SLX4IP: variants seen among roughly 807,000 people sequenced by gnomAD.
SLX4IP encodes protein SLX4IP.
A neutral mutation model predicts 32.9 loss-of-function variants in SLX4IP; 34 were observed. That is an observed-to-expected ratio of 1.03 (90% CI 0.79 to 1.38). SLX4IP has a LOEUF of 1.38. Among genes scored for constraint, SLX4IP ranks in the 40% most tolerant of loss-of-function variants. The pLI is 0.00. For missense variants in SLX4IP, 444 were observed against 479.0 expected, an observed-to-expected ratio of 0.93 and a Z score of 0.68; for synonymous variants, 172 against 171.7, an observed-to-expected ratio of 1.00 and a Z score of -0.01.
rs1352267841 is a variant in SLX4IP, at chr20:10,623,498, G to A, written c.*119G>A. 1.4e-6 allele frequency: 2 copies of A among 1,388,266 alleles called. No individual in the cohort carries two copies. Among genetic ancestry groups the A allele is most frequent in the African/African-American group, 2.9e-5 (2 of 68,294 alleles). 86.0% of individuals were successfully genotyped at this position (1,388,266 alleles called of 1,614,324 possible). ...TTAATTAGAATGACTAATTTAAATA[G>A]GAAGTGTGTTATCTGTGTTATGGCT... On this transcript the variant is annotated 3_prime_UTR_variant, in exon 8 of 8. Transcript: ENST00000334534.
chr20:10,473,986 C>T (rs1042076381), intron 2 of SLX4IP, among the ~76,000 whole-genome samples: 14 of 152,070 alleles, frequency 9.2e-5, no homozygotes, highest in Non-Finnish European at 1.9e-4. Flanking sequence ...CCATGCCTGG[C>T]TAATTTTTGT....
At chr20:10,614,295 C>T in intron 6 of SLX4IP, 1 of 594,488 alleles carries the variant, frequency 1.7e-6, no homozygotes, top group African/African-American at 1.9e-5. Context: ...TGAAGTCCTA[C>T]CTTGAGAACA....
At chr20:10,451,436 A>G (rs1438973278) in intron 1 of SLX4IP, among the ~76,000 whole-genome samples, 1 of 152,160 alleles carries the variant, frequency 6.6e-6, no homozygotes, top group Non-Finnish European at 1.5e-5. Context: ...TTGGGATTAC[A>G]GGTGTGAACC....
intron 4 of SLX4IP, among the ~76,000 whole-genome samples, chr20:10,586,221 T>C (rs898088391): frequency 6.6e-6 from 1 of 152,146 alleles, no homozygotes; most frequent in African/African-American, 2.4e-5. Context: ...ACAAAATAAA[T>C]ATAACAGTTT....
chr20:10,503,423 G>A (rs574044316), intron 2 of SLX4IP, among the ~76,000 whole-genome samples: 123 of 152,298 alleles, frequency 8.1e-4, no homozygotes, highest in Non-Finnish European at 1.2e-3. Context: ...TTAAGAAGTA[G>A]CCAAATGTGC....
chr20:10,622,794 C>G lies in SLX4IP; in HGVS notation c.642C>G (p.Pro214=), dbSNP rs1351394991. The change falls in exon 8 of 8, where the codon CCC becomes CCG. Residue 214 remains proline (P), a synonymous_variant. Coordinates refer to ENST00000334534, the MANE Select transcript of SLX4IP (RefSeq NM_001009608.3). The part of the protein sequence containing the change: ...RRNDGQASSS[P]PSESMGQAKD... ...ATGATGGTCAGGCTTCCTCCAGTCC[C>G]CCATCAGAATCCATGGGACAAGCAA... The G allele has an allele frequency of 6.2e-7, 1 of 1,613,998 alleles. No individual in the cohort carries two copies.
intron 2 of SLX4IP, among the ~76,000 whole-genome samples, chr20:10,495,176 G>A (rs2065656308): frequency 6.6e-6 from 1 of 151,996 alleles, no homozygotes; most frequent in African/African-American, 2.4e-5. Context: ...TTAACTGCAT[G>A]TTACAGGTTT....
chr20:10,467,722 T>C (rs538680679), intron 2 of SLX4IP, among the ~76,000 whole-genome samples: 10 of 152,214 alleles, frequency 6.6e-5, no homozygotes, highest in Non-Finnish European at 1.3e-4. Context: ...ATAAAATTAG[T>C]AAAAGTTTTC....
chr20:10,497,259 A>G (rs1420540873), intron 2 of SLX4IP, among the ~76,000 whole-genome samples: 1 of 152,086 alleles, frequency 6.6e-6, no homozygotes, highest in African/African-American at 2.4e-5. Flanking sequence ...TGAGTATGAA[A>G]TTTTAGGTCA....
chr20:10,523,765 A>G (rs950312411), intron 2 of SLX4IP, among the ~76,000 whole-genome samples: 2 of 152,262 alleles, frequency 1.3e-5, no homozygotes, highest in African/African-American at 4.8e-5. Context: ...GCTCATATTA[A>G]GCTTTAAAAT....
At chr20:10,593,651 A>C (rs919228165) in intron 4 of SLX4IP, among the ~76,000 whole-genome samples, 1 of 152,078 alleles carries the variant, frequency 6.6e-6, no homozygotes, top group African/African-American at 2.4e-5. Flanking sequence ...TGAGAGAATC[A>C]TCTGAGCCCA....
intron 2 of SLX4IP, among the ~76,000 whole-genome samples, chr20:10,516,486 A>T (rs1282538034): frequency 6.6e-6 from 1 of 152,228 alleles, no homozygotes; most frequent in African/African-American, 2.4e-5. Context: ...GCTGTTACAG[A>T]AAAGAAATTG....
chr20:10,456,530 C>T (rs6077805), intron 1 of SLX4IP, among the ~76,000 whole-genome samples: 74,731 of 151,696 alleles, frequency 0.49, 19,870 homozygotes, highest in Non-Finnish European at 0.6. Context: ...TTAATAGAGA[C>T]GGGGTTTCAC....
At chr20:10,445,554 A>G (rs2065195189) in intron 1 of SLX4IP, among the ~76,000 whole-genome samples, 1 of 146,858 alleles carries the variant, frequency 6.8e-6, no homozygotes, top group African/African-American at 2.5e-5. Context: ...TGACCTCATG[A>G]TCCGCCCGCC....
intron 2 of SLX4IP, among the ~76,000 whole-genome samples, chr20:10,553,262 C>T (rs977331208): frequency 6.6e-6 from 1 of 152,076 alleles, no homozygotes; most frequent in East Asian, 1.9e-4. Flanking sequence ...TTATGCTTAT[C>T]GCCACTTCAG....
chr20:10,448,829 C>T (rs976539097), intron 1 of SLX4IP, among the ~76,000 whole-genome samples: 1 of 151,934 alleles, frequency 6.6e-6, no homozygotes, highest in Admixed American at 6.6e-5. Context: ...TTTTTATGAA[C>T]ATTAATAAAG....
At chr20:10,598,415 C>G (rs1170572161) in intron 4 of SLX4IP, among the ~76,000 whole-genome samples, 13 of 152,194 alleles carry the variant, frequency 8.5e-5, no homozygotes, top group Non-Finnish European at 4.4e-5. Context: ...AGGTGCCCGC[C>G]ACCTCACCCG....
At chr20:10,556,366 C>T (rs1742436430) in intron 3 of SLX4IP, 46 bp downstream of exon 3, 1 of 1,530,498 alleles carries the variant, frequency 6.5e-7, no homozygotes. Context: ...GCTGCTGCTG[C>T]TATAAGAAAT....
In SLX4IP at chr20:10,473,861, C is replaced by T. The variant is rs556326873; in HGVS notation, c.27+15630C>T. Among the ~76,000 whole-genome samples the T allele has an allele frequency of 2.5e-4, 38 of 151,694 alleles. No homozygotes were observed. In the East Asian group the frequency reaches 2.7e-3, roughly 11 times the overall value. ...TTTTTTGAAAGGAGTCTTGCTCTGTCGCCCAGGCTAGAGTGTGGTGGCGTG... is the reference window on the plus strand; with the variant it reads ...TTTTTTGAAAGGAGTCTTGCTCTGTTGCCCAGGCTAGAGTGTGGTGGCGTG... On this transcript the variant is annotated intron_variant, in intron 2 of 7. Transcript: ENST00000334534.
Sources: gnomAD v4.1 joint callset for allele counts (sites outside exome capture counted in the v4.1 genomes callset) on GRCh38, gnomAD v4.1.1 for gene constraint, MANE v1.5 for transcripts, NCBI Gene and HGNC (gene_info 2026-07-23, HGNC 2026-07-21) for gene names.